VNN1: variants seen among roughly 807,000 people sequenced by gnomAD.
The protein encoded by VNN1 is pantetheinase.
VNN1 carries 29 observed loss-of-function variants against 41.9 expected under a neutral mutation model. The observed-to-expected ratio is 0.69, with a 90% CI of 0.52 to 0.94. The LOEUF is 0.94. Among genes scored for constraint, VNN1 ranks in the 40% least tolerant of loss-of-function variants. The pLI is 0.00. For missense variants in VNN1, 637 were observed against 621.1 expected (o/e 1.03, Z -0.27); for synonymous variants, 233 against 224.4 (o/e 1.04, Z -0.34).
chr6:132,691,050 T>C (rs1778277583), intron 5 of VNN1, among the ~76,000 whole-genome samples: 2 of 152,184 alleles, frequency 1.3e-5, no homozygotes, highest in African/African-American at 4.8e-5. Context: ...GTTCTGCATA[T>C]GCTAGCAAAT....
chr6:132,695,696 A>G (rs1778359562), intron 2 of VNN1, among the ~76,000 whole-genome samples: 3 of 152,170 alleles, frequency 2.0e-5, no homozygotes, highest in Non-Finnish European at 4.4e-5. Flanking sequence ...ATAGTGAGAC[A>G]TTTAAGGAAT....
rs190298382 is a variant in VNN1, at chr6:132,683,162, A to G, written c.1520T>C (p.Ile507Thr). 4 of 1,610,862 alleles carry G rather than the reference A, an allele frequency of 2.5e-6. No homozygotes were observed. The East Asian group carries it at 8.9e-5, about 36-fold the overall frequency. ...RIIMLIVIAP[I>T]VCSLSW ...ATTCTACCAACTTAATGAGCATACAATAGGTGCTATAACTATTAGCATTAT... is the reference window on the plus strand; with the variant it reads ...ATTCTACCAACTTAATGAGCATACAGTAGGTGCTATAACTATTAGCATTAT... Residue 507 changes from isoleucine to threonine, a missense_variant, in exon 7 of 7, where the codon ATT becomes ACT. By Grantham distance (89) the Ile-to-Thr change is moderately conservative (BLOSUM62 -1). Transcript: ENST00000367928.
At chr6:132,695,021 G>A (rs532733709) in intron 2 of VNN1, among the ~76,000 whole-genome samples, 47 of 152,192 alleles carry the variant, frequency 3.1e-4, no homozygotes, top group African/African-American at 4.3e-4. Flanking sequence ...GCCTGGTGGC[G>A]TGCGCCTATA....
chr6:132,713,729 T>A (rs1166659275), intron 1 of VNN1, 97 bp downstream of exon 1: 8 of 1,314,228 alleles, frequency 6.1e-6, no homozygotes, highest in Non-Finnish European at 8.4e-6. Context: ...ACATATATCA[T>A]CTAAAAGTGT....
At chr6:132,699,530 C>G (rs1233303609) in intron 2 of VNN1, 1 of 163,680 alleles carries the variant, frequency 6.1e-6, no homozygotes, top group African/African-American at 2.4e-5. Flanking sequence ...AAGTGTTTAA[C>G]TGAATACTCA....
chr6:132,710,205 A>T (rs1178586166), intron 2 of VNN1, among the ~76,000 whole-genome samples: 1 of 151,910 alleles, frequency 6.6e-6, no homozygotes, highest in South Asian at 2.1e-4. Flanking sequence ...GCCCACCACC[A>T]CGCCCCACTA....
At chr6:132,699,205 G>T in intron 2 of VNN1, 1 of 352,412 alleles carries the variant, frequency 2.8e-6, no homozygotes. Context: ...TTGCATTGGA[G>T]AAGTTGTAAT....
rs746051977 is a variant in VNN1 at position 132,681,290 on chromosome 6, T to G, written c.*1850A>C. On this transcript the variant is annotated 3_prime_UTR_variant, in exon 7 of 7. Coordinates refer to ENST00000367928, the MANE Select transcript of VNN1 (RefSeq NM_004666.3). Reference sequence around the variant, plus strand: ...AGCCAGATGACATTTTATGAAAGTTTTTCTAGCATCCTAAAGAATGGAGGC... The same window carrying G: ...AGCCAGATGACATTTTATGAAAGTTGTTCTAGCATCCTAAAGAATGGAGGC... 6.6e-6 allele frequency among the ~76,000 whole-genome samples: 1 copy of G among 152,188 alleles called. No individual in the cohort carries two copies. Among genetic ancestry groups the G allele is most frequent in the Non-Finnish European group, 1.5e-5 (1 of 68,032 alleles).
chr6:132,710,701 C>A, intron 2 of VNN1, among the ~76,000 whole-genome samples: 1 of 151,188 alleles, frequency 6.6e-6, no homozygotes, highest in East Asian at 1.9e-4. Flanking sequence ...AGGACATGAA[C>A]TTATCCTTTT....
At chr6:132,689,802 C>T (rs1433596717) in intron 5 of VNN1, among the ~76,000 whole-genome samples, 1 of 152,196 alleles carries the variant, frequency 6.6e-6, no homozygotes, top group Non-Finnish European at 1.5e-5. Context: ...AAGCATCAGA[C>T]CAAAGTATTC....
rs1233886069 is a variant in VNN1, at chr6:132,680,983, C to A, written c.*2157G>T. ...ATAGCAAAAAGAAAAGGAAAACAAT[C>A]CTATTTTTTAAATTACATTGCAATA... is the stretch of plus-strand genomic sequence containing the variant. On this transcript the variant is annotated 3_prime_UTR_variant, in exon 7 of 7. Coordinates refer to ENST00000367928, the MANE Select transcript of VNN1 (RefSeq NM_004666.3). Among the ~76,000 whole-genome samples, 1 of 152,014 alleles carries A rather than the reference C, an allele frequency of 6.6e-6. No individual in the cohort carries two copies. The highest frequency in any genetic ancestry group is 1.5e-5 in the Non-Finnish European group (1 of 67,982).
chr6:132,709,058 G>A (rs893184398), intron 2 of VNN1, among the ~76,000 whole-genome samples: 4 of 151,910 alleles, frequency 2.6e-5, no homozygotes, highest in African/African-American at 2.4e-5. Context: ...GCCCTCAGAC[G>A]ACCTTTTAAA....
At chr6:132,683,352 T>C in intron 6 of VNN1, 30 bp from the exon 7 acceptor site, 1 of 1,590,028 alleles carries the variant, frequency 6.3e-7, no homozygotes, top group Non-Finnish European at 8.5e-7. Context: ...AGGCAAAGGC[T>C]ACCTTCAAGT....
chr6:132,696,801 G>T (rs1464021047), intron 2 of VNN1, among the ~76,000 whole-genome samples: 1 of 151,466 alleles, frequency 6.6e-6, no homozygotes, highest in African/African-American at 2.4e-5. Context: ...GGGGAGAGGA[G>T]GGGAGGGGAG....
chr6:132,713,790 G>C, intron 1 of VNN1, 36 bp downstream of exon 1: 5 of 1,599,204 alleles, frequency 3.1e-6, no homozygotes, highest in Non-Finnish European at 4.3e-6. Context: ...CTTTCTCATA[G>C]AATCCAGTAC....
At chr6:132,697,719 T>A (rs756539601) in intron 2 of VNN1, among the ~76,000 whole-genome samples, 1 of 151,834 alleles carries the variant, frequency 6.6e-6, no homozygotes. Flanking sequence ...AGCAATCATC[T>A]ATAAAACATA....
In VNN1 at chr6:132,713,983, C is replaced by G. The variant is rs1180652205; in HGVS notation, c.53G>C (p.Arg18Thr). 9.3e-6 allele frequency: 15 copies of G among 1,614,116 alleles called. No individual in the cohort carries two copies. The highest frequency in any genetic ancestry group is 1.3e-5 in the African/African-American group (1 of 75,042). ...YVAILLFYVS[R>T]ASCQDTFTAA... ...AGTGAAAGTGTCCTGGCAGCTGGCT[C>G]TTGAGACATAGAAAAGCAAAATTGC... The change falls in exon 1 of 7, where the codon AGA becomes ACA. Residue 18 changes from arginine to threonine, a missense_variant. Transcript: ENST00000367928.
At chr6:132,700,051 C>A (rs1218106905) in intron 2 of VNN1, among the ~76,000 whole-genome samples, 1 of 152,014 alleles carries the variant, frequency 6.6e-6, no homozygotes, top group Non-Finnish European at 1.5e-5. Context: ...CTGAGTAAGA[C>A]AATAGGGACA....
At chr6:132,710,437 T>C (rs916453468) in intron 2 of VNN1, among the ~76,000 whole-genome samples, 1 of 152,094 alleles carries the variant, frequency 6.6e-6, no homozygotes, top group East Asian at 1.9e-4. Context: ...GCTTGTTACA[T>C]AGGTATACAC....
Sources: allele counts gnomAD v4.1 joint callset (sites outside exome capture counted in the v4.1 genomes callset), GRCh38; gene constraint gnomAD v4.1.1; transcripts MANE v1.5; gene names NCBI Gene and HGNC (gene_info 2026-07-23, HGNC 2026-07-21).